ADGRL3: variants seen among roughly 807,000 people sequenced by gnomAD.
ADGRL3 encodes calcium-independent alpha-latrotoxin receptor 3.
In ADGRL3, 62 loss-of-function variants were observed where a neutral mutation model predicts 153.5. That is an observed-to-expected ratio of 0.40 (90% CI 0.33 to 0.50). ADGRL3 has a LOEUF of 0.50. ADGRL3 is among the 20% of genes least tolerant of loss of function. ADGRL3 has a pLI of 0.47. For missense variants in ADGRL3, 1,641 were observed against 1,859.4 expected, an observed-to-expected ratio of 0.88 and a Z score of 2.16; for synonymous variants, 710 against 672.5, an observed-to-expected ratio of 1.06 and a Z score of -0.86.
At chr4:61,857,352 G>A (rs1449374976) in intron 9 of ADGRL3, among the ~76,000 whole-genome samples, 2 of 152,088 alleles carry the variant, frequency 1.3e-5, no homozygotes, top group Non-Finnish European at 2.9e-5. Flanking sequence ...TTAGGCTAGA[G>A]TAAGTAAGGA....
At chr4:62,058,068 C>T (rs923013565) in intron 25 of ADGRL3, among the ~76,000 whole-genome samples, 6 of 152,150 alleles carry the variant, frequency 3.9e-5, no homozygotes, top group Non-Finnish European at 7.3e-5. Flanking sequence ...AATAAGCAAG[C>T]ATGACCAGAC....
chr4:61,743,917 C>A (rs748020766), intron 8 of ADGRL3, among the ~76,000 whole-genome samples: 24 of 152,226 alleles, frequency 1.6e-4, no homozygotes, highest in African/African-American at 5.8e-4. Context: ...CGCATTGCCT[C>A]ACTCGGGAAG....
chr4:61,930,823 T>C (rs927466867), intron 13 of ADGRL3, among the ~76,000 whole-genome samples: 1 of 152,022 alleles, frequency 6.6e-6, no homozygotes, highest in African/African-American at 2.4e-5. Context: ...AAAAGGATAA[T>C]ACTCACCCGT....
intron 6 of ADGRL3, among the ~76,000 whole-genome samples, chr4:61,725,608 C>G (rs202098968): frequency 7.1e-6 from 1 of 141,632 alleles, no homozygotes; most frequent in Non-Finnish European, 1.5e-5. Flanking sequence ...AAAAAAAAAC[C>G]AAAAAAAAAC....
In ADGRL3 at chr4:61,251,870, T is replaced by C. The variant is rs571869829; in HGVS notation, c.-240+50105T>C. 2.0e-5 allele frequency among the ~76,000 whole-genome samples: 3 copies of C among 150,008 alleles called. No individual in the cohort carries two copies. The East Asian group carries it at 5.8e-4, about 29-fold the overall frequency. ...AGAAGTTTCTTATCCTAAGATTCTT[T>C]TTTTTTTTAATTTTTTTATTTTTTT... On this transcript the variant is annotated intron_variant, in intron 1 of 26. Transcript: ENST00000683033.
In ADGRL3 at chr4:61,607,630, A is replaced by G. The variant is rs531233947; in HGVS notation, c.473+20190A>G. On this transcript the variant is annotated intron_variant, in intron 5 of 26. Coordinates refer to ENST00000683033, the MANE Select transcript of ADGRL3 (RefSeq NM_001387552.1). ...ACAAACAAACAAAATCTTAAGTTCT[A>G]CACTAGTGATATTACCTACAATTGA... Among the ~76,000 whole-genome samples, 66 of 152,160 alleles carry G rather than the reference A, an allele frequency of 4.3e-4. 1 individual carries two copies. The highest frequency in any genetic ancestry group is 1.6e-3 in the African/African-American group (65 of 41,532).
intron 6 of ADGRL3, among the ~76,000 whole-genome samples, chr4:61,712,305 G>A (rs890863862): frequency 3.9e-5 from 6 of 152,040 alleles, no homozygotes; most frequent in South Asian, 4.2e-4. Flanking sequence ...AGGCAGGAGG[G>A]TCACTTAAGC....
Position 61,505,734 on chromosome 4 carries a change from A to C in ADGRL3, c.55+8386A>C, listed in dbSNP as rs117325130. On this transcript the variant is annotated intron_variant, in intron 3 of 26. Transcript: ENST00000683033. The stretch of plus-strand genomic sequence containing the variant: ...AATTGCTGAATGCCTCTTGTAGTTC[A>C]TCTCAAGAGTAATCCTATAGCTTTG... Among the ~76,000 whole-genome samples, 5 of 152,106 alleles carry C rather than the reference A, an allele frequency of 3.3e-5. No homozygotes were observed. The East Asian group carries it at 9.7e-4, about 29-fold the overall frequency.
chr4:61,940,066 G>A, intron 15 of ADGRL3, among the ~76,000 whole-genome samples: 1 of 117,392 alleles, frequency 8.5e-6, no homozygotes, highest in Non-Finnish European at 1.7e-5. Context: ...ATCTCCCAAT[G>A]CTATCCCTCC....
chr4:61,973,878 A>T (rs545073904), intron 17 of ADGRL3, among the ~76,000 whole-genome samples: 15 of 152,192 alleles, frequency 9.9e-5, no homozygotes, highest in Non-Finnish European at 2.2e-4. Flanking sequence ...AAAAGTCATA[A>T]GTGCAATTGT....
chr4:61,728,461 C>T (rs1386203055), intron 6 of ADGRL3, among the ~76,000 whole-genome samples: 1 of 151,974 alleles, frequency 6.6e-6, no homozygotes, highest in African/African-American at 2.4e-5. Flanking sequence ...AAGAATATAA[C>T]AGATACCTTT....
At chr4:61,438,088 CT>C (rs1441023844) in intron 2 of ADGRL3, among the ~76,000 whole-genome samples, 7 of 151,994 alleles carry the variant, frequency 4.6e-5, no homozygotes, top group Non-Finnish European at 1.0e-4. Context: ...TTATTTTGTT[CT>C]TCTTGGAATT....
At chr4:62,029,318 T>C (rs536738107) in intron 22 of ADGRL3, among the ~76,000 whole-genome samples, 1 of 151,876 alleles carries the variant, frequency 6.6e-6, no homozygotes, top group East Asian at 1.9e-4. Context: ...CAATTGCAAT[T>C]GATATTAATG....
chr4:61,878,110 T>C (rs2098486375), intron 9 of ADGRL3, among the ~76,000 whole-genome samples: 1 of 152,190 alleles, frequency 6.6e-6, no homozygotes, highest in Non-Finnish European at 1.5e-5. Context: ...GAAATGTCTT[T>C]ACAGCAGTGT....
chr4:61,891,765 AC>A (rs2098588205), intron 9 of ADGRL3, among the ~76,000 whole-genome samples: 1 of 152,170 alleles, frequency 6.6e-6, no homozygotes, highest in Admixed American at 6.5e-5. Context: ...TTCTAATCTT[AC>A]AGCTAGGTAT....
chr4:61,964,032 T>G (rs1309620325), intron 17 of ADGRL3, among the ~76,000 whole-genome samples: 2 of 152,148 alleles, frequency 1.3e-5, no homozygotes, highest in Non-Finnish European at 2.9e-5. Context: ...ATCCATAGCA[T>G]CACAAAAGGT....
chr4:61,367,333 C>A (rs1443577559), intron 1 of ADGRL3, among the ~76,000 whole-genome samples: 2 of 151,824 alleles, frequency 1.3e-5, no homozygotes, highest in African/African-American at 2.4e-5. Flanking sequence ...GTGTGCTGCA[C>A]CCACTAACTC....
intron 2 of ADGRL3, among the ~76,000 whole-genome samples, chr4:61,410,370 T>C (rs2097070559): frequency 6.6e-6 from 1 of 152,126 alleles, no homozygotes. Flanking sequence ...TTTCTTTTTC[T>C]CTCTTTACTT....
intron 6 of ADGRL3, among the ~76,000 whole-genome samples, chr4:61,677,971 T>C (rs1057234193): frequency 1.3e-5 from 2 of 152,034 alleles, no homozygotes; most frequent in Non-Finnish European, 2.9e-5. Context: ...TTCAGCTTCA[T>C]TTATAGAATG....
Sources: gnomAD v4.1 joint callset for allele counts (sites outside exome capture counted in the v4.1 genomes callset) on GRCh38, gnomAD v4.1.1 for gene constraint, MANE v1.5 for transcripts, NCBI Gene and HGNC (gene_info 2026-07-23, HGNC 2026-07-21) for gene names.